MLLT10: variants seen among roughly 807,000 people sequenced by gnomAD.
MLLT10 encodes the protein MLLT10 histone lysine methyltransferase DOT1L cofactor.
MLLT10 carries 30 observed loss-of-function variants against 129.1 expected under a neutral mutation model. The observed-to-expected ratio is 0.23, with a 90% CI of 0.17 to 0.32. The LOEUF is 0.32. Ranked by LOEUF, MLLT10 falls within the 10% of genes least tolerant of loss-of-function variation. The pLI is 1.00. For synonymous variants in MLLT10, 490 were observed against 446.4 expected, an observed-to-expected ratio of 1.10 and a Z score of -1.23; for missense variants, 1,119 against 1,268.3, an observed-to-expected ratio of 0.88 and a Z score of 1.79.
At chr10:21,707,412 C>T (rs371425766) in intron 13 of MLLT10, among the ~76,000 whole-genome samples, 68 of 151,962 alleles carry the variant, frequency 4.5e-4, no homozygotes, top group African/African-American at 1.5e-3. Context: ...AGGATGGTCT[C>T]GATCTCCTGA....
At chr10:21,730,838 A>G in intron 16 of MLLT10, 62 bp from the exon 17 acceptor site, 1 of 1,592,092 alleles carries the variant, frequency 6.3e-7, no homozygotes, top group East Asian at 2.2e-5. Flanking sequence ...AGCTTAAGGT[A>G]AGAAACTGTA....
chr10:21,584,903 T>C (rs747039264), intron 3 of MLLT10, among the ~76,000 whole-genome samples: 1 of 151,620 alleles, frequency 6.6e-6, no homozygotes, highest in Non-Finnish European at 1.5e-5. Flanking sequence ...TATGTATATG[T>C]ATATATACAT....
chr10:21,535,411 G>A (rs1258043382), intron 2 of MLLT10, among the ~76,000 whole-genome samples: 1 of 152,192 alleles, frequency 6.6e-6, no homozygotes, highest in Non-Finnish European at 1.5e-5. Context: ...TGTCTGCGGA[G>A]GAGATGGCGG....
chr10:21,639,829 T>C (rs2047810941), intron 8 of MLLT10, among the ~76,000 whole-genome samples: 1 of 152,098 alleles, frequency 6.6e-6, no homozygotes, highest in African/African-American at 2.4e-5. Context: ...GGTCAGAGAA[T>C]TTCTTTATGT....
intron 13 of MLLT10, among the ~76,000 whole-genome samples, chr10:21,702,692 A>C (rs180944576): frequency 6.7e-6 from 1 of 149,106 alleles, no homozygotes; most frequent in Admixed American, 6.7e-5. Context: ...TCTTTTTTAC[A>C]GTTTTTTTTT....
At chr10:21,593,662 C>T (rs1193298435) in intron 4 of MLLT10, among the ~76,000 whole-genome samples, 1 of 151,822 alleles carries the variant, frequency 6.6e-6, no homozygotes, top group Admixed American at 6.6e-5. Context: ...TGTGGTAGCT[C>T]ATGTCTGTAT....
chr10:21,686,879 G>A (rs1384630306), intron 13 of MLLT10, among the ~76,000 whole-genome samples: 1 of 152,110 alleles, frequency 6.6e-6, no homozygotes, highest in African/African-American at 2.4e-5. Context: ...CTACTTGGGA[G>A]GCTGAGGCAG....
At chr10:21,534,834 C>T (rs751517111) in intron 2 of MLLT10, 30 bp downstream of exon 2, 3 of 1,541,750 alleles carry the variant, frequency 1.9e-6, no homozygotes, top group Non-Finnish European at 2.6e-6. Context: ...CCGGGGCGCG[C>T]CGGCCTGCGC....
At chr10:21,737,492 C>T (rs2058469766) in intron 21 of MLLT10, among the ~76,000 whole-genome samples, 1 of 152,148 alleles carries the variant, frequency 6.6e-6, no homozygotes, top group Admixed American at 6.5e-5. Context: ...AACGGTATTT[C>T]ACTGCCCCAG....
chr10:21,546,342 G>A (rs374972026), intron 3 of MLLT10, among the ~76,000 whole-genome samples: 6 of 151,996 alleles, frequency 3.9e-5, no homozygotes, highest in South Asian at 4.2e-4. Flanking sequence ...GCCTCCCAAA[G>A]TGCTGAGATT....
At chr10:21,570,235 T>TGTGTGC (rs1554797062) in intron 3 of MLLT10, among the ~76,000 whole-genome samples, 1 of 149,028 alleles carries the variant, frequency 6.7e-6, no homozygotes, top group East Asian at 2.0e-4. Context: ...TGTGTGTGTG[T>TGTGTGC]GCGCGCGTGT....
intron 6 of MLLT10, among the ~76,000 whole-genome samples, chr10:21,613,183 ACT>A (rs1401685720): frequency 1.6e-5 from 2 of 125,708 alleles, no homozygotes; most frequent in Non-Finnish European, 3.2e-5. Context: ...ACAAACCAAG[ACT>A]CTGTCTCAAA....
rs200387764 is a variant in MLLT10, at chr10:21,673,903, A to G, written c.1605A>G (p.Ser535=). 3.1e-6 allele frequency: 5 copies of G among 1,597,726 alleles called. No homozygotes were observed. Among genetic ancestry groups the G allele is most frequent in the Non-Finnish European group, 4.3e-6 (5 of 1,172,594 alleles). The change falls in exon 11 of 23, where the codon TCA becomes TCG. Residue 535 remains serine (S), a synonymous_variant. Transcript: ENST00000307729. ...GTTTACAGAGCCTCAGTGTTGGCTC[A>G]TCTCCAGTTGGTTCAGGTAGGGGTT... ...NGSLQSLSVG[S]SPVGSEISMQ... is the part of the protein sequence containing the mutation.
chr10:21,725,578 G>A (rs1193831960), intron 14 of MLLT10, among the ~76,000 whole-genome samples: 1 of 151,894 alleles, frequency 6.6e-6, no homozygotes, highest in African/African-American at 2.4e-5. Context: ...AAATTTAGCT[G>A]GGCGTGGTGG....
Position 21,717,780 on chromosome 10 carries a change from G to T in MLLT10, c.1878+3830G>T, listed in dbSNP as rs541016653. Among the ~76,000 whole-genome samples the T allele has an allele frequency of 4.3e-3, 221 of 51,506 alleles. 3 individuals carry two copies. The highest frequency in any genetic ancestry group is 0.016 in the Middle Eastern group (1 of 62). The allele number at this position is 51,506 out of a possible 152,430, so 33.8% of individuals were successfully genotyped here. On this transcript the variant is annotated intron_variant, in intron 14 of 22. Coordinates refer to ENST00000307729, the MANE Select transcript of MLLT10 (RefSeq NM_001195626.3). ...CTCCTCCTCCTCCGCTGCTGCTGCT[G>T]CTTCTTCTTCTTCTTCTTCTCCTTC...
intron 3 of MLLT10, among the ~76,000 whole-genome samples, chr10:21,576,864 C>G (rs769369067): frequency 1.2e-4 from 18 of 152,102 alleles, no homozygotes; most frequent in Non-Finnish European, 2.2e-4. Flanking sequence ...CTCGCGACCT[C>G]AGGTGAATCG....
chr10:21,539,072 T>A (rs2034604303), intron 3 of MLLT10, 160 bp downstream of exon 3: 2 of 503,218 alleles, frequency 4.0e-6, no homozygotes, highest in Admixed American at 7.4e-5. Flanking sequence ...TTAAACAGAT[T>A]TTGTAAAACT....
Position 21,725,718 on chromosome 10 carries a change from CA to C in MLLT10, c.1879-507del, listed in dbSNP as rs369977561. Among the ~76,000 whole-genome samples the C allele has an allele frequency of 6.9e-3, 662 of 95,676 alleles. 5 individuals carry two copies. The highest frequency in any genetic ancestry group is 0.025 in the African/African-American group (591 of 23,658). The allele number at this position is 95,676 out of a possible 152,430, so 62.8% of individuals were successfully genotyped here. A position where few individuals can be genotyped will look rare whatever the true frequency, so the allele number is the denominator to read the frequency against. ...CCTGGGTAAGAGTGAAACTCTTTCTCAAAAAAAAAAAAAAAAAAATTGTAGT... is the reference window on the plus strand; with the variant it reads ...CCTGGGTAAGAGTGAAACTCTTTCTCAAAAAAAAAAAAAAAAAATTGTAGT... On this transcript the variant is annotated intron_variant, in intron 14 of 22. Coordinates refer to ENST00000307729, the MANE Select transcript of MLLT10 (RefSeq NM_001195626.3).
At chr10:21,681,931 T>C (rs1422622010) in intron 12 of MLLT10, among the ~76,000 whole-genome samples, 1 of 152,220 alleles carries the variant, frequency 6.6e-6, no homozygotes, top group African/African-American at 2.4e-5. Context: ...GACATAAATG[T>C]CTTTTAAAAA....
Sources: allele counts gnomAD v4.1 joint callset (sites outside exome capture counted in the v4.1 genomes callset), GRCh38; gene constraint gnomAD v4.1.1; transcripts MANE v1.5; gene names NCBI Gene and HGNC (gene_info 2026-07-23, HGNC 2026-07-21).